RASAL2: variants seen among roughly 807,000 people sequenced by gnomAD.
RASAL2 encodes the protein RAS protein activator like 2, also known as ras GTPase-activating protein nGAP.
Under a neutral mutation model 128.9 loss-of-function variants are expected in RASAL2, and 58 were observed. The ratio of observed to expected loss-of-function variants is 0.45; its 90% confidence interval spans 0.36 to 0.56. The LOEUF (loss-of-function observed/expected upper bound fraction) is 0.56, where lower values mean the gene tolerates loss of function less well. Ranked by LOEUF, RASAL2 falls within the 20% of genes least tolerant of loss-of-function variation. RASAL2 has a pLI of 0.00. For missense variants in RASAL2, 1,360 were observed against 1,601.6 expected (o/e 0.85, Z 2.57); for synonymous variants, 561 against 580.8 (o/e 0.97, Z 0.49).
At chr1:178,419,477 G>A (rs1342676967) in intron 4 of RASAL2, among the ~76,000 whole-genome samples, 10 of 151,730 alleles carry the variant, frequency 6.6e-5, no homozygotes, top group Non-Finnish European at 1.5e-4. Context: ...TTGTAGAGAT[G>A]GGGTCTCGCC....
chr1:178,185,737 A>T (rs569840580), intron 1 of RASAL2, among the ~76,000 whole-genome samples: 2 of 151,972 alleles, frequency 1.3e-5, no homozygotes, highest in South Asian at 2.1e-4. Flanking sequence ...CTAGAATCTC[A>T]CTTGGTTATG....
At chr1:178,270,478 T>C (rs1356146650) in intron 1 of RASAL2, among the ~76,000 whole-genome samples, 3 of 152,102 alleles carry the variant, frequency 2.0e-5, no homozygotes, top group Non-Finnish European at 4.4e-5. Context: ...TCTTTTTAGC[T>C]CTGTAAGTGT....
At chr1:178,288,095 G>A (rs1667114794) in intron 2 of RASAL2, among the ~76,000 whole-genome samples, 1 of 152,038 alleles carries the variant, frequency 6.6e-6, no homozygotes, top group Non-Finnish European at 1.5e-5. Context: ...AGGAAAAGAA[G>A]GAATAGAAGG....
intron 1 of RASAL2, among the ~76,000 whole-genome samples, chr1:178,254,617 C>T (rs1362695860): frequency 6.6e-6 from 1 of 152,176 alleles, no homozygotes; most frequent in African/African-American, 2.4e-5. Context: ...CTACTGAGCT[C>T]ACTGAGACTG....
In RASAL2 at chr1:178,094,449, C is replaced by T. The variant is rs951275132; in HGVS notation, c.-44C>T. The T allele has an allele frequency of 1.3e-4, 192 of 1,490,274 alleles. 1 individual carries two copies. Among genetic ancestry groups the T allele is most frequent in the Non-Finnish European group, 1.7e-4 (185 of 1,119,924 alleles). 92.3% of individuals were successfully genotyped at this position (1,490,274 alleles called of 1,614,324 possible). On this transcript the variant is annotated 5_prime_UTR_variant, in exon 1 of 18. Transcript: ENST00000367649. ...CAGGGCGCGGAGCCGCGCGCCAGCC[C>T]GCCCCGAAGCCGCCGCCTCGTCCCC...
intron 5 of RASAL2, among the ~76,000 whole-genome samples, chr1:178,438,607 A>C (rs1476295316): frequency 6.6e-6 from 1 of 151,994 alleles, no homozygotes; most frequent in Non-Finnish European, 1.5e-5. Context: ...TTGTAGTGAC[A>C]AGTCATGATT....
chr1:178,441,787 T>A lies in RASAL2; in HGVS notation c.927+140T>A, dbSNP rs1160742617. The A allele has an allele frequency of 6.6e-6, 4 of 604,684 alleles. No individual in the cohort carries two copies. In the Admixed American group the frequency reaches 1.2e-4, roughly 17 times the overall value. 37.5% of individuals were successfully genotyped at this position (604,684 alleles called of 1,614,324 possible). ...CATTTATATGTTATGCCATTTGTAG[T>A]AAGCCCTTATTATATCACCATAAAG... On this transcript the variant is annotated intron_variant, in intron 7 of 17. Transcript: ENST00000367649.
intron 3 of RASAL2, among the ~76,000 whole-genome samples, chr1:178,301,971 A>G (rs1667787913): frequency 6.6e-6 from 1 of 152,182 alleles, no homozygotes; most frequent in African/African-American, 2.4e-5. Flanking sequence ...TGTGCTTAAC[A>G]AGAAGTCCAG....
Position 178,458,079 on chromosome 1 carries a change from C to T in RASAL2, c.2787C>T (p.Leu929=). The change falls in exon 14 of 18, where the codon CTC becomes CTT. Residue 929 remains leucine (L), a synonymous_variant. Coordinates refer to ENST00000367649, the MANE Select transcript of RASAL2 (RefSeq NM_170692.4). ...CGTTCCAGAACCCTGTCTATCACCT[C>T]AATAACCCAATTCCAGCAATGCCAA... is the stretch of plus-strand genomic sequence containing the variant. ...PLSFQNPVYH[L]NNPIPAMPKA... is the part of the protein sequence containing the mutation. The T allele has an allele frequency of 6.2e-7, 1 of 1,614,178 alleles. No individual in the cohort carries two copies. The highest frequency in any genetic ancestry group is 8.5e-7 in the Non-Finnish European group (1 of 1,180,046).
At chr1:178,165,203 G>A (rs1661480187) in intron 1 of RASAL2, among the ~76,000 whole-genome samples, 1 of 151,996 alleles carries the variant, frequency 6.6e-6, no homozygotes, top group South Asian at 2.1e-4. Flanking sequence ...ATATATGTGT[G>A]TGTGTATCTA....
chr1:178,170,349 A>G (rs1661665402), intron 1 of RASAL2, among the ~76,000 whole-genome samples: 1 of 151,766 alleles, frequency 6.6e-6, no homozygotes, highest in South Asian at 2.1e-4. Context: ...GTATGTAAAG[A>G]TATATTATAT....
intron 8 of RASAL2, 112 bp from the exon 9 acceptor site, chr1:178,445,406 A>C: frequency 8.2e-7 from 1 of 1,226,486 alleles, no homozygotes; most frequent in Non-Finnish European, 1.1e-6. Context: ...GATGAATCTG[A>C]TAGCTTTAGT....
At chr1:178,409,607 C>T (rs556950304) in intron 4 of RASAL2, among the ~76,000 whole-genome samples, 90 of 152,232 alleles carry the variant, frequency 5.9e-4, no homozygotes, top group Middle Eastern at 6.8e-3. Context: ...AATGGTAAGT[C>T]GTTACCAGAT....
intron 1 of RASAL2, among the ~76,000 whole-genome samples, chr1:178,239,874 G>T (rs1184571890): frequency 6.6e-6 from 1 of 151,962 alleles, no homozygotes; most frequent in Non-Finnish European, 1.5e-5. Flanking sequence ...GGATGGAGGT[G>T]TTCTGCCCCT....
In RASAL2 at chr1:178,119,518, C is replaced by A. The variant is rs190075965; in HGVS notation, c.202+24824C>A. Among the ~76,000 whole-genome samples, 45 of 152,334 alleles carry A rather than the reference C, an allele frequency of 3.0e-4. 1 individual carries two copies. Among genetic ancestry groups the A allele is most frequent in the Non-Finnish European group, 3.5e-4 (24 of 68,034 alleles). On this transcript the variant is annotated intron_variant, in intron 1 of 17. Coordinates refer to ENST00000367649, the MANE Select transcript of RASAL2 (RefSeq NM_170692.4). ...TAGACTCAACATTCAAAAATGACCT[C>A]TTTGACCCAAGTAGTGAAACCAGAA...
intron 1 of RASAL2, among the ~76,000 whole-genome samples, chr1:178,101,799 G>T (rs996848296): frequency 2.0e-5 from 3 of 152,188 alleles, no homozygotes; most frequent in Non-Finnish European, 4.4e-5. Flanking sequence ...TTAGCTTCTA[G>T]ATCTTGCTGC....
At chr1:178,369,347 G>A (rs1015866467) in intron 3 of RASAL2, among the ~76,000 whole-genome samples, 3 of 151,884 alleles carry the variant, frequency 2.0e-5, no homozygotes, top group Non-Finnish European at 2.9e-5. Flanking sequence ...TCAGTCTCCC[G>A]AGTAGCTGGG....
At chr1:178,149,823 C>T (rs915859212) in intron 1 of RASAL2, among the ~76,000 whole-genome samples, 1 of 152,104 alleles carries the variant, frequency 6.6e-6, no homozygotes, top group Non-Finnish European at 1.5e-5. Flanking sequence ...AATAGGATCA[C>T]TCTGATACTT....
At chr1:178,403,879 T>C (rs1054747290) in intron 4 of RASAL2, among the ~76,000 whole-genome samples, 3 of 151,956 alleles carry the variant, frequency 2.0e-5, no homozygotes, top group African/African-American at 7.2e-5. Flanking sequence ...ATAAAAAAAT[T>C]AAAGTTAAAA....
Sources: gnomAD v4.1 joint callset for allele counts (sites outside exome capture counted in the v4.1 genomes callset) on GRCh38, gnomAD v4.1.1 for gene constraint, MANE v1.5 for transcripts, NCBI Gene and HGNC (gene_info 2026-07-23, HGNC 2026-07-21) for gene names.